CD80: variants seen among roughly 807,000 people sequenced by gnomAD.
The protein encoded by CD80 is T-lymphocyte activation antigen CD80.
Under a neutral mutation model 27.1 loss-of-function variants are expected in CD80, and 13 were observed. That is an observed-to-expected ratio of 0.48 (90% CI 0.31 to 0.76). CD80 has a LOEUF of 0.76. Among genes scored for constraint, CD80 ranks in the 30% least tolerant of loss-of-function variants. The pLI, the probability that CD80 is intolerant of heterozygous loss-of-function variation, is 0.04. For missense variants in CD80, 277 were observed against 347.9 expected (o/e 0.80, Z 1.62); for synonymous variants, 125 against 125.5 (o/e 1.00, Z 0.03).
chr3:119,537,071 A>G (rs1383170608), intron 4 of CD80, 66 bp downstream of exon 4: 1 of 1,370,954 alleles, frequency 7.3e-7, no homozygotes, highest in African/African-American at 1.4e-5. Flanking sequence ...ACATCATTAA[A>G]TGACACGACT....
At chr3:119,535,890 A>G (rs915290112) in intron 4 of CD80, among the ~76,000 whole-genome samples, 1 of 152,226 alleles carries the variant, frequency 6.6e-6, no homozygotes, top group Non-Finnish European at 1.5e-5. Flanking sequence ...TATTGTTACA[A>G]AAACTTTTTA....
chr3:119,534,060 G>A (rs1159913155), intron 4 of CD80, among the ~76,000 whole-genome samples: 1 of 152,044 alleles, frequency 6.6e-6, no homozygotes, highest in East Asian at 1.9e-4. Flanking sequence ...AACCTGTCCT[G>A]CACCTGTTTT....
chr3:119,540,179 G>C (rs1401389148), intron 3 of CD80, among the ~76,000 whole-genome samples: 1 of 152,176 alleles, frequency 6.6e-6, no homozygotes, highest in Non-Finnish European at 1.5e-5. Flanking sequence ...TCAGTCTCCT[G>C]ACCTCGTGAT....
chr3:119,525,325 CT>C lies in CD80; in HGVS notation c.*462del, dbSNP rs2082058383. On this transcript the variant is annotated 3_prime_UTR_variant, in exon 7 of 7. Coordinates refer to ENST00000264246, the MANE Select transcript of CD80 (RefSeq NM_005191.4). Reference sequence around the variant, plus strand: ...CTGACATTAGGAAATCAGATAGTCTCTGAAGTTGACCTGTTATTGGACAAAT... The same window carrying C: ...CTGACATTAGGAAATCAGATAGTCTCGAAGTTGACCTGTTATTGGACAAAT... The C allele has an allele frequency of 6.6e-6, 1 of 152,198 alleles. No homozygotes were observed. The allele number at this position is 152,198 out of a possible 1,614,324, so 9.4% of individuals were successfully genotyped here. A position where few individuals can be genotyped will look rare whatever the true frequency, so the allele number is the denominator to read the frequency against.
At chr3:119,545,299 G>GCA (rs2082195665) in intron 2 of CD80, among the ~76,000 whole-genome samples, 1 of 152,104 alleles carries the variant, frequency 6.6e-6, no homozygotes, top group Non-Finnish European at 1.5e-5. Flanking sequence ...AGCTGAGATT[G>GCA]CACCCCAGCC....
chr3:119,528,192 AG>A (rs374072042), intron 5 of CD80, among the ~76,000 whole-genome samples: 1 of 152,308 alleles, frequency 6.6e-6, no homozygotes, highest in East Asian at 1.9e-4. Flanking sequence ...CCTGAATTAA[AG>A]GGGTAACACT....
At chr3:119,543,960 C>T (rs1369142567) in intron 3 of CD80, among the ~76,000 whole-genome samples, 1 of 146,282 alleles carries the variant, frequency 6.8e-6, no homozygotes, top group Non-Finnish European at 1.5e-5. Flanking sequence ...GCAATCTCAG[C>T]TCATTGCAAC....
chr3:119,547,836 A>T (rs1199254923), intron 2 of CD80, among the ~76,000 whole-genome samples: 1 of 152,120 alleles, frequency 6.6e-6, no homozygotes, highest in Admixed American at 6.5e-5. Flanking sequence ...TTCCACCTAT[A>T]CATACCACTG....
intron 2 of CD80, among the ~76,000 whole-genome samples, chr3:119,555,782 C>T (rs2082261126): frequency 6.6e-6 from 1 of 152,234 alleles, no homozygotes; most frequent in South Asian, 2.1e-4. Context: ...GCCATGTCCC[C>T]AGGACCAAGA....
chr3:119,543,262 G>T (rs902593722), intron 3 of CD80, among the ~76,000 whole-genome samples: 1 of 152,232 alleles, frequency 6.6e-6, no homozygotes, highest in Admixed American at 6.5e-5. Flanking sequence ...CTCTTGGGTG[G>T]TTACAAAAGC....
rs62264488 is a variant in CD80, at chr3:119,537,209, T to C, written c.628A>G (p.Thr210Ala). The change falls in exon 4 of 7, where the codon ACC (threonine) becomes GCC (alanine). Residue 210 changes from threonine to alanine, a missense_variant. By Grantham distance (58) the Thr-to-Ala change is moderately conservative (BLOSUM62 0). Coordinates refer to ENST00000264246, the MANE Select transcript of CD80 (RefSeq NM_005191.4). ...VSSKLDFNMT[T>A]NHSFMCLIKY... ...ATGAGACACATGAAGCTGTGGTTGG[T>C]TGTCATATTGAAATCCAGTTTGCTG... is the stretch of plus-strand genomic sequence containing the variant. The C allele has an allele frequency of 0.015, 24,728 of 1,613,960 alleles. 256 individuals carry two copies. Among genetic ancestry groups the C allele is most frequent in the Non-Finnish European group, 0.018 (20,862 of 1,179,802 alleles).
rs373508565 is a variant in CD80, at chr3:119,543,462, C to CA, written c.418+1087_418+1088insT. Among the ~76,000 whole-genome samples, 13 of 143,882 alleles carry CA rather than the reference C, an allele frequency of 9.0e-5. No individual in the cohort carries two copies. In the East Asian group the frequency reaches 2.6e-3, roughly 29 times the overall value. 94.4% of individuals were successfully genotyped at this position (143,882 alleles called of 152,430 possible). A position where few individuals can be genotyped will look rare whatever the true frequency, so the allele number is the denominator to read the frequency against. Reference sequence around the variant, plus strand: ...AATGCTCACCCTCCTCTGTAGTCTACTTTTTTTTTTTTTGAAACAGTCTTT... The same window carrying CA: ...AATGCTCACCCTCCTCTGTAGTCTACATTTTTTTTTTTTTGAAACAGTCTTT... On this transcript the variant is annotated intron_variant, in intron 3 of 6. Coordinates refer to ENST00000264246, the MANE Select transcript of CD80 (RefSeq NM_005191.4).
At chr3:119,545,747 C>A (rs722045) in intron 2 of CD80, among the ~76,000 whole-genome samples, 7 of 151,678 alleles carry the variant, frequency 4.6e-5, no homozygotes, top group Admixed American at 2.6e-4. Flanking sequence ...CACCCCCCCC[C>A]ACATTTTGTT....
rs1339475078 is a variant in CD80 at position 119,524,457 on chromosome 3, C to T, written c.*1331G>A. 1.3e-5 allele frequency: 2 copies of T among 152,148 alleles called. No homozygotes were observed. Among genetic ancestry groups the T allele is most frequent in the Non-Finnish European group, 2.9e-5 (2 of 68,040 alleles). 9.4% of individuals were successfully genotyped at this position (152,148 alleles called of 1,614,324 possible). On this transcript the variant is annotated 3_prime_UTR_variant, in exon 7 of 7. Coordinates refer to ENST00000264246, the MANE Select transcript of CD80 (RefSeq NM_005191.4). The stretch of plus-strand genomic sequence containing the variant: ...TAAGTATTCCTGTCAATACGGGAAA[C>T]ACTGCTAGTACCTTATGTTGGTGTT...
At chr3:119,529,269 A>T (rs1469034183) in intron 5 of CD80, among the ~76,000 whole-genome samples, 1 of 152,166 alleles carries the variant, frequency 6.6e-6, no homozygotes, top group Non-Finnish European at 1.5e-5. Flanking sequence ...AGAATTGGTG[A>T]GATCACCTGT....
At chr3:119,528,051 G>T (rs2082088570) in intron 5 of CD80, among the ~76,000 whole-genome samples, 1 of 152,104 alleles carries the variant, frequency 6.6e-6, no homozygotes, top group African/African-American at 2.4e-5. Flanking sequence ...GTCGCAACGG[G>T]CAAGGGGTGC....
At chr3:119,531,854 G>T (rs2082113493) in intron 4 of CD80, among the ~76,000 whole-genome samples, 1 of 152,070 alleles carries the variant, frequency 6.6e-6, no homozygotes, top group Admixed American at 6.6e-5. Context: ...AGTAGAGATG[G>T]GGTTTCCCCA....
At chr3:119,542,635 A>G (rs138137703) in intron 3 of CD80, among the ~76,000 whole-genome samples, 8,150 of 152,220 alleles carry the variant, frequency 0.054, 699 homozygotes, top group African/African-American at 0.19. Flanking sequence ...AAAGAGATCT[A>G]ACTTAACTGA....
rs535343962 is a variant in CD80, at chr3:119,558,435, A to G, written c.-200-507T>C. Among the ~76,000 whole-genome samples, 5 of 152,256 alleles carry G rather than the reference A, an allele frequency of 3.3e-5. No individual in the cohort carries two copies. In the South Asian group the frequency reaches 8.3e-4, roughly 25 times the overall value. Reference sequence around the variant, plus strand: ...AAAGTCTATCCATAAAAAGGGAGGGAAAAAAAGACACTGCAGACGTTACTT... The same window carrying G: ...AAAGTCTATCCATAAAAAGGGAGGGGAAAAAAGACACTGCAGACGTTACTT... On this transcript the variant is annotated intron_variant, in intron 1 of 6. Coordinates refer to ENST00000264246, the MANE Select transcript of CD80 (RefSeq NM_005191.4).
Sources: gnomAD v4.1 joint callset for allele counts (sites outside exome capture counted in the v4.1 genomes callset) on GRCh38, gnomAD v4.1.1 for gene constraint, MANE v1.5 for transcripts, NCBI Gene and HGNC (gene_info 2026-07-23, HGNC 2026-07-21) for gene names.